The following NTN1 variants were observed in gnomAD, a reference collection of about 807,000 sequenced individuals.
The protein encoded by NTN1 is netrin-1.
A neutral mutation model predicts 54.2 loss-of-function variants in NTN1; 11 were observed. The ratio of observed to expected loss-of-function variants is 0.20; its 90% CI spans 0.13 to 0.34. The LOEUF is 0.34. Ranked by LOEUF, NTN1 falls within the 10% of genes least tolerant of loss-of-function variation. The pLI is 1.00. For missense variants in NTN1, 740 were observed against 893.1 expected, an observed-to-expected ratio of 0.83 and a Z score of 2.18; for synonymous variants, 371 against 382.0, an observed-to-expected ratio of 0.97 and a Z score of 0.33.
At chr17:9,073,213 C>T (rs751323037) in intron 2 of NTN1, among the ~76,000 whole-genome samples, 2 of 152,224 alleles carry the variant, frequency 1.3e-5, no homozygotes, top group Non-Finnish European at 2.9e-5. Flanking sequence ...CGTATCCCAC[C>T]TGGGCCCCAG....
intron 2 of NTN1, among the ~76,000 whole-genome samples, chr17:9,105,490 T>C (rs1385737175): frequency 6.6e-6 from 1 of 152,198 alleles, no homozygotes; most frequent in East Asian, 1.9e-4. Context: ...ATTTTTCCTG[T>C]GGAGACGGCT....
Position 9,108,567 on chromosome 17 carries a change from T to G in NTN1, c.1019-54246T>G, listed in dbSNP as rs1364487376. On this transcript the variant is annotated intron_variant, in intron 2 of 6. Coordinates refer to ENST00000173229, the MANE Select transcript of NTN1 (RefSeq NM_004822.3). ...ACTCATTTATAGTTTGTATTAAAAT[T>G]TGAGAACTTAAAACATTATTCAGTA... Among the ~76,000 whole-genome samples the G allele has an allele frequency of 2.6e-5, 4 of 152,196 alleles. No individual in the cohort carries two copies. In the South Asian group the frequency reaches 8.3e-4, roughly 32 times the overall value.
At chr17:9,172,130 C>T (rs1285745825) in intron 3 of NTN1, among the ~76,000 whole-genome samples, 20 of 152,022 alleles carry the variant, frequency 1.3e-4, no homozygotes, top group African/African-American at 7.2e-5. Context: ...TCAGGTGATC[C>T]GCCCACCTGG....
intron 2 of NTN1, among the ~76,000 whole-genome samples, chr17:9,081,636 C>T (rs1010179592): frequency 7.9e-5 from 12 of 152,322 alleles, no homozygotes; most frequent in African/African-American, 2.6e-4. Flanking sequence ...CGACTGCTGT[C>T]GCAGAGAGAG....
At chr17:9,092,319 C>CTTTTTTTTTTTTTTT (rs148786553) in intron 2 of NTN1, among the ~76,000 whole-genome samples, 1 of 91,714 alleles carries the variant, frequency 1.1e-5, no homozygotes, top group Non-Finnish European at 2.1e-5. Flanking sequence ...CTTTTCTTCT[C>CTTTTTTTTTTTTTTT]TTTTTTTTTT....
At chr17:9,058,373 A>T (rs1199304190) in intron 2 of NTN1, among the ~76,000 whole-genome samples, 1 of 152,140 alleles carries the variant, frequency 6.6e-6, no homozygotes, top group Non-Finnish European at 1.5e-5. Flanking sequence ...AACATCATCT[A>T]GGCCTTTCTT....
At chr17:9,068,677 T>G (rs2092023398) in intron 2 of NTN1, among the ~76,000 whole-genome samples, 1 of 151,726 alleles carries the variant, frequency 6.6e-6, no homozygotes, top group African/African-American at 2.4e-5. Context: ...CCCAGCTAAT[T>G]TTGTATTTTT....
At chr17:9,017,384 G>A (rs1252796905), upstream of NTN1, among the ~76,000 whole-genome samples, 2 of 152,144 alleles carry the variant, frequency 1.3e-5, no homozygotes, top group Non-Finnish European at 2.9e-5. Context: ...TGACTTCCTT[G>A]TAGTTTGATC....
chr17:9,223,556 C>CAAAAA (rs369166076), intron 6 of NTN1, among the ~76,000 whole-genome samples: 5 of 149,110 alleles, frequency 3.4e-5, no homozygotes, highest in Non-Finnish European at 6.0e-5. Context: ...GACTCTGTCT[C>CAAAAA]AAAAAAAAGA....
intron 2 of NTN1, among the ~76,000 whole-genome samples, chr17:9,071,142 G>A (rs533550722): frequency 2.0e-4 from 30 of 152,292 alleles, no homozygotes; most frequent in Non-Finnish European, 1.9e-4. Context: ...CACTGAGGCC[G>A]GAGCACTGAA....
intron 2 of NTN1, among the ~76,000 whole-genome samples, chr17:9,038,938 A>G (rs532658957): frequency 2.6e-5 from 4 of 152,144 alleles, no homozygotes; most frequent in Admixed American, 6.6e-5. Flanking sequence ...ATCGTGACAT[A>G]TGGTGTGAGG....
the NTN1 span, among the ~76,000 whole-genome samples, chr17:9,014,307 C>T: frequency 1.3e-5 from 2 of 152,252 alleles, no homozygotes; most frequent in Admixed American, 6.5e-5. Context: ...GACTGTCCCT[C>T]GTACTTCTAG....
chr17:9,114,804 A>G (rs2092205285), intron 2 of NTN1, among the ~76,000 whole-genome samples: 1 of 152,226 alleles, frequency 6.6e-6, no homozygotes, highest in Non-Finnish European at 1.5e-5. Context: ...GAAAGATGTT[A>G]CCAGTATAAA....
intron 5 of NTN1, among the ~76,000 whole-genome samples, chr17:9,210,861 A>T (rs552161732): frequency 7.2e-6 from 1 of 138,160 alleles, no homozygotes; most frequent in South Asian, 2.5e-4. Context: ...AGCCAAGATC[A>T]CACCACTGCA....
At chr17:9,029,018 G>A (rs376163220) in intron 2 of NTN1, among the ~76,000 whole-genome samples, 55 of 152,034 alleles carry the variant, frequency 3.6e-4, no homozygotes, top group African/African-American at 1.3e-3. Context: ...GGGAGGTCTC[G>A]GAGGGCTTTT....
chr17:9,202,902 TTTTC>T (rs1904842349), intron 5 of NTN1, among the ~76,000 whole-genome samples: 2 of 152,160 alleles, frequency 1.3e-5, no homozygotes, highest in South Asian at 2.1e-4. Context: ...GGTTTCATAA[TTTTC>T]TTTTTTTCTT....
At position 9,194,843 on chromosome 17, in the gene NTN1, C is replaced by T. The variant is rs72811982; in HGVS notation, c.1411+11874C>T. Among the ~76,000 whole-genome samples the T allele has an allele frequency of 2.7e-3, 417 of 152,268 alleles. 1 individual carries two copies. The highest frequency in any genetic ancestry group is 3.3e-3 in the Non-Finnish European group (227 of 68,014). On this transcript the variant is annotated intron_variant, in intron 5 of 6. Transcript: ENST00000173229. ...CCCCTCCGCCTTGAGATCAGACATC[C>T]CGTGTGTATTAGGTCAAACCGTGCG...
chr17:9,058,807 C>T (rs2091987450), intron 2 of NTN1, among the ~76,000 whole-genome samples: 1 of 152,008 alleles, frequency 6.6e-6, no homozygotes, highest in African/African-American at 2.4e-5. Context: ...GGGAAGCTTG[C>T]CCCCGCCTAG....
rs575529347 is a variant in NTN1 at position 9,219,263 on chromosome 17, G to A, written c.1412-1905G>A. Reference sequence around the variant, plus strand: ...ACCTCTCAGGCTTGGCCACAGTAGAGTGAGGGCCACTCTCTCTGGACAGCC... The same window carrying A: ...ACCTCTCAGGCTTGGCCACAGTAGAATGAGGGCCACTCTCTCTGGACAGCC... On this transcript the variant is annotated intron_variant, in intron 5 of 6. Coordinates refer to ENST00000173229, the MANE Select transcript of NTN1 (RefSeq NM_004822.3). The surrounding 1 kb of genome is among the most constrained non-coding windows in gnomAD (Gnocchi z 4.5). Among the ~76,000 whole-genome samples, 3 of 152,278 alleles carry A rather than the reference G, an allele frequency of 2.0e-5. No homozygotes were observed. Among genetic ancestry groups the A allele is most frequent in the East Asian group, 1.9e-4 (1 of 5,166 alleles).
Sources: allele counts gnomAD v4.1 joint callset (sites outside exome capture counted in the v4.1 genomes callset), GRCh38; gene constraint gnomAD v4.1.1; non-coding constraint Gnocchi (gnomAD v3.1); transcripts MANE v1.5; gene names NCBI Gene and HGNC (gene_info 2026-07-23, HGNC 2026-07-21).